Variants in SND1 observed in about 807,000 individuals in gnomAD.
SND1 encodes the protein staphylococcal nuclease domain-containing protein 1.
Under a neutral mutation model 121.7 loss-of-function variants are expected in SND1, and 38 were observed. The observed-to-expected ratio is 0.31, with a 90% CI of 0.24 to 0.41. The LOEUF (loss-of-function observed/expected upper bound fraction) is 0.41. Among genes scored for constraint, SND1 ranks in the 10% least tolerant of loss-of-function variants. The pLI is 1.00. For missense variants in SND1, 868 were observed against 1,184.6 expected (o/e 0.73, Z 3.92); for synonymous variants, 401 against 447.4 (o/e 0.90, Z 1.31).
chr7:127,810,812 A>G (rs955089465), intron 11 of SND1, among the ~76,000 whole-genome samples: 1 of 152,224 alleles, frequency 6.6e-6, no homozygotes, highest in African/African-American at 2.4e-5. Flanking sequence ...TCCATGTGAT[A>G]CAGTTTTTTA....
At chr7:127,672,165 T>C (rs1795528624) in intron 1 of SND1, among the ~76,000 whole-genome samples, 1 of 152,230 alleles carries the variant, frequency 6.6e-6, no homozygotes, top group Non-Finnish European at 1.5e-5. Context: ...TTCCGTATTT[T>C]TTTTTTCTGA....
intron 10 of SND1, among the ~76,000 whole-genome samples, chr7:127,773,828 G>A (rs1177344544): frequency 4.6e-5 from 7 of 152,198 alleles, no homozygotes; most frequent in Non-Finnish European, 1.0e-4. Context: ...GTCAAGGACA[G>A]ACCACATATA....
intron 15 of SND1, among the ~76,000 whole-genome samples, chr7:127,953,854 C>T (rs532163096): frequency 6.6e-5 from 10 of 152,228 alleles, no homozygotes; most frequent in South Asian, 2.1e-4. Flanking sequence ...AGCCTTTTCA[C>T]GGTTCCTCTT....
At chr7:127,763,272 G>A (rs961726291) in intron 10 of SND1, among the ~76,000 whole-genome samples, 7 of 152,150 alleles carry the variant, frequency 4.6e-5, no homozygotes, top group Admixed American at 2.0e-4. Flanking sequence ...TCAGAAATTC[G>A]AGACCAGTCT....
intron 10 of SND1, among the ~76,000 whole-genome samples, chr7:127,800,586 A>C (rs1798107914): frequency 6.6e-6 from 1 of 152,242 alleles, no homozygotes. Flanking sequence ...TGATCAAAGA[A>C]GCTTTGGAGA....
At chr7:127,718,362 C>T (rs988679595) in intron 9 of SND1, among the ~76,000 whole-genome samples, 13 of 152,218 alleles carry the variant, frequency 8.5e-5, no homozygotes, top group African/African-American at 1.9e-4. Context: ...CTGCACAGTA[C>T]GTGGCTATAA....
intron 10 of SND1, among the ~76,000 whole-genome samples, chr7:127,788,891 T>C (rs1045602084): frequency 6.6e-6 from 1 of 152,236 alleles, no homozygotes; most frequent in Non-Finnish European, 1.5e-5. Context: ...TATCATCTCA[T>C]GAAGCATATC....
intron 12 of SND1, chr7:127,857,851 G>T: frequency 8.4e-7 from 1 of 1,186,128 alleles, no homozygotes; most frequent in Non-Finnish European, 1.3e-6. Flanking sequence ...GCAGTCTCAG[G>T]TGTAGAGGTC....
At chr7:128,030,214 A>C in intron 16 of SND1, 1 of 1,614,208 alleles carries the variant, frequency 6.2e-7, no homozygotes, top group Non-Finnish European at 8.5e-7. Flanking sequence ...AGGTATTCAA[A>C]GGCCCCGCTA....
At chr7:127,822,365 G>A (rs1249671760) in intron 11 of SND1, among the ~76,000 whole-genome samples, 1 of 152,126 alleles carries the variant, frequency 6.6e-6, no homozygotes, top group Non-Finnish European at 1.5e-5. Flanking sequence ...TATTTGATCT[G>A]TACAACTTAG....
intron 16 of SND1, among the ~76,000 whole-genome samples, chr7:128,053,303 A>G (rs1329202552): frequency 6.6e-6 from 1 of 152,204 alleles, no homozygotes; most frequent in South Asian, 2.1e-4. Context: ...CTGAAACTTC[A>G]AGAAGCCCCT....
chr7:128,074,711 G>A (rs1331503502), intron 17 of SND1, 21 bp downstream of exon 17: 1 of 1,591,758 alleles, frequency 6.3e-7, no homozygotes, highest in Admixed American at 1.7e-5. Context: ...CAGCCCAGCT[G>A]TGCTCTCCCT....
chr7:127,760,242 A>T (rs930804374), intron 10 of SND1, among the ~76,000 whole-genome samples: 1 of 152,178 alleles, frequency 6.6e-6, no homozygotes, highest in Admixed American at 6.5e-5. Context: ...GAGAGACCGG[A>T]TGAGGAATGG....
At chr7:128,032,142 C>G (rs1792635939) in intron 16 of SND1, 1 of 151,912 alleles carries the variant, frequency 6.6e-6, no homozygotes, top group Non-Finnish European at 1.5e-5. Flanking sequence ...AGAAGATTAG[C>G]GTGATGCAGT....
chr7:127,939,328 G>A (rs981449119), intron 15 of SND1, among the ~76,000 whole-genome samples: 1 of 152,170 alleles, frequency 6.6e-6, no homozygotes, highest in African/African-American at 2.4e-5. Context: ...AAGATTGGGA[G>A]TAGGAATTAA....
chr7:127,966,095 T>C (rs1801844958), intron 15 of SND1, among the ~76,000 whole-genome samples: 1 of 145,704 alleles, frequency 6.9e-6, no homozygotes, highest in East Asian at 2.0e-4. Context: ...GTGGGATCAG[T>C]GGTGATATCC....
intron 10 of SND1, among the ~76,000 whole-genome samples, chr7:127,743,695 A>G (rs2116440923): frequency 1.3e-5 from 2 of 152,278 alleles, no homozygotes; most frequent in South Asian, 4.1e-4. Flanking sequence ...GAGGAAGTTC[A>G]TGGTTTCTGG....
intron 10 of SND1, among the ~76,000 whole-genome samples, chr7:127,728,145 C>G (rs1796614876): frequency 6.6e-6 from 1 of 152,122 alleles, no homozygotes; most frequent in South Asian, 2.1e-4. Context: ...GATTTCCTTT[C>G]TTCTCCCCAT....
chr7:127,696,680 A>G (rs933392279), intron 3 of SND1, among the ~76,000 whole-genome samples: 1 of 152,242 alleles, frequency 6.6e-6, no homozygotes, highest in African/African-American at 2.4e-5. Context: ...GTTCATTTTA[A>G]TACCCTTGGT....
Sources: gnomAD v4.1 joint callset for allele counts (sites outside exome capture counted in the v4.1 genomes callset) on GRCh38, gnomAD v4.1.1 for gene constraint, MANE v1.5 for transcripts, NCBI Gene and HGNC (gene_info 2026-07-23, HGNC 2026-07-21) for gene names.